Variants in RGL1 observed in about 807,000 individuals in gnomAD.
The protein encoded by RGL1 is ral guanine nucleotide dissociation stimulator-like 1.
Under a neutral mutation model 95.2 loss-of-function variants are expected in RGL1, and 24 were observed. That is an observed-to-expected ratio of 0.25 (90% CI 0.18 to 0.35). The LOEUF is 0.35. Ranked by LOEUF, RGL1 falls within the 10% of genes least tolerant of loss-of-function variation. The pLI, the probability that RGL1 is intolerant of heterozygous loss-of-function variation, is 1.00. For synonymous variants in RGL1, 329 were observed against 344.9 expected, an observed-to-expected ratio of 0.95 and a Z score of 0.51; for missense variants, 715 against 936.3, an observed-to-expected ratio of 0.76 and a Z score of 3.08.
chr1:183,795,547 A>G lies in RGL1; in HGVS notation c.133-10828A>G, dbSNP rs531097110. On this transcript the variant is annotated intron_variant, in intron 2 of 18. Transcript: ENST00000304685. ...CAGATATGTTCAAGACATTGAAAGAAGACTGGGGTGGCTGGAGCCCAGAGA... is the reference window on the plus strand; with the variant it reads ...CAGATATGTTCAAGACATTGAAAGAGGACTGGGGTGGCTGGAGCCCAGAGA... Among the ~76,000 whole-genome samples the G allele has an allele frequency of 1.2e-4, 18 of 152,360 alleles. No individual in the cohort carries two copies. In the East Asian group the frequency reaches 3.1e-3, roughly 26 times the overall value.
chr1:183,680,383 A>G (rs1186295516), intron 1 of RGL1, among the ~76,000 whole-genome samples: 1 of 152,130 alleles, frequency 6.6e-6, no homozygotes, highest in Admixed American at 6.5e-5. Context: ...ATCTTGAGTT[A>G]ATTTTTGTAT....
chr1:183,798,769 T>G (rs745331700), intron 2 of RGL1, among the ~76,000 whole-genome samples: 5 of 151,962 alleles, frequency 3.3e-5, no homozygotes, highest in Non-Finnish European at 5.9e-5. Context: ...AGTTCGACTA[T>G]TTTAGATTCC....
chr1:183,665,976 A>G (rs1426118461), intron 1 of RGL1, among the ~76,000 whole-genome samples: 1 of 150,408 alleles, frequency 6.6e-6, no homozygotes, highest in Non-Finnish European at 1.5e-5. Flanking sequence ...GTGAAAGCCT[A>G]GATGATTGAC....
In RGL1 at chr1:183,722,866, T is replaced by G. The variant is rs75625930; in HGVS notation, c.-32-19260T>G. Among the ~76,000 whole-genome samples the G allele has an allele frequency of 2.9e-3, 440 of 152,296 alleles. 5 individuals are homozygous for G. Among genetic ancestry groups the G allele is most frequent in the African/African-American group, 0.01 (423 of 41,568 alleles). On this transcript the variant is annotated intron_variant, in intron 1 of 18. Coordinates refer to the RGL1 transcript ENST00000304685. ...AAATGATACCTGATGATAATGTGGA[T>G]CTACACAAAAGAATAAAGAGCTCTG... is the stretch of plus-strand genomic sequence containing the variant.
chr1:183,877,968 A>G (rs1666605062), intron 4 of RGL1, among the ~76,000 whole-genome samples: 1 of 152,200 alleles, frequency 6.6e-6, no homozygotes, highest in African/African-American at 2.4e-5. Flanking sequence ...GCAGAGATGG[A>G]GGCAAGGATG....
At chr1:183,884,487 T>C (rs1007464877) in intron 6 of RGL1, among the ~76,000 whole-genome samples, 1 of 152,186 alleles carries the variant, frequency 6.6e-6, no homozygotes, top group African/African-American at 2.4e-5. Context: ...TTCTGCTTTA[T>C]CACTTTTGAC....
At chr1:183,767,186 C>T (rs1281182105) in intron 2 of RGL1, among the ~76,000 whole-genome samples, 2 of 150,184 alleles carry the variant, frequency 1.3e-5, no homozygotes, top group Non-Finnish European at 3.0e-5. Flanking sequence ...TGGCATTGCC[C>T]TCCAGTCTAT....
chr1:183,890,972 A>T (rs1667384589), intron 8 of RGL1, among the ~76,000 whole-genome samples: 1 of 152,208 alleles, frequency 6.6e-6, no homozygotes, highest in South Asian at 2.1e-4. Context: ...ATATCTCAAT[A>T]AAGCTGTTAT....
At chr1:183,748,480 A>G (rs1384939913) in intron 2 of RGL1, among the ~76,000 whole-genome samples, 2 of 136,788 alleles carry the variant, frequency 1.5e-5, no homozygotes, top group African/African-American at 5.8e-5. Context: ...ATCTCGGCTC[A>G]CTGCAAGCTC....
chr1:183,863,638 C>T (rs1572519851), intron 3 of RGL1, among the ~76,000 whole-genome samples: 1 of 151,972 alleles, frequency 6.6e-6, no homozygotes, highest in African/African-American at 2.4e-5. Context: ...AGGGTGGAAG[C>T]AATGGAAGTG....
intron 4 of RGL1, among the ~76,000 whole-genome samples, chr1:183,874,099 G>C (rs929982074): frequency 6.6e-6 from 1 of 152,164 alleles, no homozygotes; most frequent in Non-Finnish European, 1.5e-5. Flanking sequence ...ATAATAGCTA[G>C]AATTTATTGA....
chr1:183,662,558 A>G (rs902178614), intron 1 of RGL1, among the ~76,000 whole-genome samples: 3 of 152,202 alleles, frequency 2.0e-5, no homozygotes, highest in South Asian at 2.1e-4. Context: ...ACTGAAATAA[A>G]AGAGGATACA....
intron 12 of RGL1, among the ~76,000 whole-genome samples, chr1:183,903,251 G>A (rs1013421156): frequency 2.6e-5 from 4 of 152,236 alleles, no homozygotes; most frequent in African/African-American, 7.2e-5. Context: ...GGGTATACTC[G>A]AGAGAGGAAA....
intron 2 of RGL1, among the ~76,000 whole-genome samples, chr1:183,781,560 A>G (rs1472902029): frequency 6.6e-6 from 1 of 152,216 alleles, no homozygotes; most frequent in Non-Finnish European, 1.5e-5. Context: ...ATTTACTGAA[A>G]GTTAACCACT....
intron 1 of RGL1, among the ~76,000 whole-genome samples, chr1:183,657,993 T>G (rs1233336509): frequency 6.6e-6 from 1 of 152,258 alleles, no homozygotes; most frequent in East Asian, 1.9e-4. Context: ...CTAACTGGTG[T>G]GAGATTAGAT....
At chr1:183,877,855 T>C (rs1306336348) in intron 4 of RGL1, among the ~76,000 whole-genome samples, 3 of 152,192 alleles carry the variant, frequency 2.0e-5, no homozygotes, top group Non-Finnish European at 1.5e-5. Flanking sequence ...GCAAGTCTAA[T>C]GTGGACGAAG....
intron 2 of RGL1, among the ~76,000 whole-genome samples, chr1:183,809,661 C>G (rs374572820): frequency 2.0e-5 from 3 of 152,220 alleles, no homozygotes; most frequent in African/African-American, 7.2e-5. Flanking sequence ...AGAGCAATTC[C>G]GAGCCTAGCA....
chr1:183,911,720 C>A (rs963391248), intron 14 of RGL1, among the ~76,000 whole-genome samples: 1 of 152,210 alleles, frequency 6.6e-6, no homozygotes, highest in Non-Finnish European at 1.5e-5. Flanking sequence ...CAAAGCAGTG[C>A]CATCCCTTCT....
intron 2 of RGL1, among the ~76,000 whole-genome samples, chr1:183,768,687 G>A (rs1009267002): frequency 1.1e-4 from 17 of 151,984 alleles, no homozygotes; most frequent in African/African-American, 4.1e-4. Context: ...GCCCAGGCTG[G>A]TCTCAAACCC....
Sources: gnomAD v4.1 joint callset for allele counts (sites outside exome capture counted in the v4.1 genomes callset) on GRCh38, gnomAD v4.1.1 for gene constraint, MANE v1.5 for transcripts, NCBI Gene and HGNC (gene_info 2026-07-23, HGNC 2026-07-21) for gene names.